RFX6: variants seen among roughly 807,000 people sequenced by gnomAD.
RFX6 encodes the protein DNA-binding protein RFX6.
A neutral mutation model predicts 110.8 loss-of-function variants in RFX6; 50 were observed. That is an observed-to-expected ratio of 0.45 (90% CI 0.36 to 0.57). The LOEUF (loss-of-function observed/expected upper bound fraction) is 0.57. Among genes scored for constraint, RFX6 ranks in the 20% least tolerant of loss-of-function variants. The pLI, the probability that RFX6 is intolerant of heterozygous loss-of-function variation, is 0.00. For synonymous variants in RFX6, 383 were observed against 411.2 expected (o/e 0.93, Z 0.83); for missense variants, 990 against 1,127.0 (o/e 0.88, Z 1.74).
At chr6:116,889,878 C>T (rs1046922133) in intron 4 of RFX6, among the ~76,000 whole-genome samples, 1 of 151,982 alleles carries the variant, frequency 6.6e-6, no homozygotes, top group Non-Finnish European at 1.5e-5. Flanking sequence ...TCAAGTTATT[C>T]ATTCATTTAT....
chr6:116,890,704 T>C (rs1774809713), intron 4 of RFX6, among the ~76,000 whole-genome samples: 1 of 152,150 alleles, frequency 6.6e-6, no homozygotes, highest in African/African-American at 2.4e-5. Flanking sequence ...TTTCTTCAGG[T>C]GTCAGTTTGT....
intron 13 of RFX6, among the ~76,000 whole-genome samples, chr6:116,922,755 A>G (rs2114699687): frequency 6.6e-6 from 1 of 152,320 alleles, no homozygotes; most frequent in African/African-American, 2.4e-5. Flanking sequence ...AAGAAGTCAG[A>G]GTTAATCATT....
At chr6:116,894,735 T>C (rs918270283) in intron 5 of RFX6, among the ~76,000 whole-genome samples, 3 of 152,256 alleles carry the variant, frequency 2.0e-5, no homozygotes, top group African/African-American at 7.2e-5. Context: ...TGGTACGATT[T>C]ACCAAGAATT....
intron 16 of RFX6, among the ~76,000 whole-genome samples, chr6:116,926,506 C>A (rs971601656): frequency 3.3e-5 from 5 of 152,138 alleles, no homozygotes; most frequent in East Asian, 3.9e-4. Context: ...AATTTTAAAC[C>A]TAGAAGAGCC....
At chr6:116,926,956 A>C in intron 16 of RFX6, 71 bp from the exon 17 acceptor site, 2 of 1,350,268 alleles carry the variant, frequency 1.5e-6, no homozygotes, top group Non-Finnish European at 2.1e-6. Flanking sequence ...AATCTTTTGA[A>C]TATTTTTTAA....
At chr6:116,878,572 A>G (rs1183532914) in intron 2 of RFX6, among the ~76,000 whole-genome samples, 2 of 152,032 alleles carry the variant, frequency 1.3e-5, no homozygotes, top group African/African-American at 4.8e-5. Flanking sequence ...ATTTATCAGT[A>G]GGATTTCCAC....
chr6:116,885,883 C>A lies in RFX6; in HGVS notation c.566+3455C>A, dbSNP rs534488947. ...ATTTGTAGCACAATTTTATTTTCTG[C>A]CTTTTAATTTTAGTCCTAAACATGT... On this transcript the variant is annotated intron_variant, in intron 4 of 18. Transcript: ENST00000332958. Among the ~76,000 whole-genome samples, 7 of 152,030 alleles carry A rather than the reference C, an allele frequency of 4.6e-5. No homozygotes were observed. The South Asian group carries it at 1.5e-3, about 32-fold the overall frequency.
intron 4 of RFX6, among the ~76,000 whole-genome samples, chr6:116,887,692 G>A (rs575866828): frequency 2.0e-5 from 3 of 152,298 alleles, no homozygotes; most frequent in East Asian, 1.9e-4. Flanking sequence ...TGTACAAAGC[G>A]TGATGCTAAA....
chr6:116,887,094 AT>A (rs1774715267), intron 4 of RFX6, among the ~76,000 whole-genome samples: 1 of 152,234 alleles, frequency 6.6e-6, no homozygotes, highest in East Asian at 1.9e-4. Context: ...AAATAAAAAA[AT>A]AATAAAACAA....
chr6:116,905,095 A>C (rs999989055), intron 6 of RFX6, among the ~76,000 whole-genome samples: 3 of 152,214 alleles, frequency 2.0e-5, no homozygotes, highest in African/African-American at 7.2e-5. Flanking sequence ...GGGAACTACC[A>C]AACTGTTTTA....
rs200522460 is a variant in RFX6 at position 116,877,418 on chromosome 6, C to A, written c.143C>A (p.Ala48Glu). ...LVYPEETVYL[A>E]AEGQPGGEQG... is the part of the protein sequence containing the mutation. ...TATCCGGAAGAAACAGTGTACCTGG[C>A]GGCCGAAGGGCAGCCCGGGGGCGAG... The change falls in exon 1 of 19, where the codon GCG (alanine) becomes GAG (glutamate). Residue 48 changes from alanine (A) to glutamate (E), a missense_variant. This residue lies in a region of RFX6 where 175 missense variants were observed against 162.3 expected (regional missense o/e 1.08). Transcript: ENST00000332958. 5 of 1,600,824 alleles carry A rather than the reference C, an allele frequency of 3.1e-6. No individual in the cohort carries two copies. In the South Asian group the frequency reaches 5.6e-5, roughly 18 times the overall value.
chr6:116,915,513 T>C (rs543816117), intron 7 of RFX6, among the ~76,000 whole-genome samples: 1 of 152,198 alleles, frequency 6.6e-6, no homozygotes, highest in African/African-American at 2.4e-5. Context: ...GGCACCCAAG[T>C]TGAGCTGACT....
intron 4 of RFX6, among the ~76,000 whole-genome samples, chr6:116,892,402 C>T (rs1774851435): frequency 6.6e-6 from 1 of 152,180 alleles, no homozygotes; most frequent in Non-Finnish European, 1.5e-5. Flanking sequence ...GTCCCTGGGG[C>T]CCTGGAATTC....
intron 6 of RFX6, among the ~76,000 whole-genome samples, chr6:116,909,414 T>G (rs1384656376): frequency 6.6e-6 from 1 of 152,054 alleles, no homozygotes; most frequent in Non-Finnish European, 1.5e-5. Context: ...AGGATTAAGT[T>G]ATTTATTTTC....
At chr6:116,931,310 T>G in intron 18 of RFX6, 21 bp from the exon 19 acceptor site, 1 of 1,577,254 alleles carries the variant, frequency 6.3e-7, no homozygotes, top group Non-Finnish European at 8.7e-7. Context: ...TTTCAATTGC[T>G]GATTATATTT....
intron 4 of RFX6, among the ~76,000 whole-genome samples, chr6:116,891,867 G>A (rs1401963336): frequency 1.3e-5 from 2 of 151,988 alleles, no homozygotes; most frequent in Non-Finnish European, 2.9e-5. Context: ...TTTCCATTAA[G>A]TTTTCCATTT....
chr6:116,913,030 G>A (rs893678172), intron 7 of RFX6, among the ~76,000 whole-genome samples: 1 of 152,016 alleles, frequency 6.6e-6, no homozygotes, highest in East Asian at 1.9e-4. Flanking sequence ...TAGAAAGTGC[G>A]GTGGGGCTAA....
chr6:116,913,466 G>A (rs1446152939), intron 7 of RFX6, among the ~76,000 whole-genome samples: 3 of 152,124 alleles, frequency 2.0e-5, no homozygotes, highest in African/African-American at 7.2e-5. Context: ...AGTGTCTCTC[G>A]AGGCAGTTGT....
intron 15 of RFX6, 40 bp from the exon 16 acceptor site, chr6:116,925,413 G>C (rs1382720550): frequency 6.7e-7 from 1 of 1,503,680 alleles, no homozygotes; most frequent in Non-Finnish European, 9.3e-7. Context: ...AGGAATGTGA[G>C]AAAAAATCTC....
Sources: allele counts gnomAD v4.1 joint callset (sites outside exome capture counted in the v4.1 genomes callset), GRCh38; gene constraint gnomAD v4.1.1; regional missense constraint gnomAD v4.1.1; transcripts MANE v1.5; gene names NCBI Gene and HGNC (gene_info 2026-07-23, HGNC 2026-07-21).